The following ZBED1 variants were observed in gnomAD, a reference collection of about 807,000 sequenced individuals.
ZBED1 encodes the protein E3 SUMO-protein ligase ZBED1.
ZBED1 carries 19 observed loss-of-function variants against 49.7 expected under a neutral mutation model. The ratio of observed to expected loss-of-function variants is 0.38; its 90% CI spans 0.27 to 0.56. The LOEUF is 0.56. Among genes scored for constraint, ZBED1 ranks in the 20% least tolerant of loss-of-function variants. The probability of loss-of-function intolerance (pLI) is 0.70; values close to 1 mark genes in which losing one functional copy is unlikely to be tolerated. For synonymous variants in ZBED1, 439 were observed against 440.3 expected (o/e 1.00, Z 0.04); for missense variants, 806 against 972.6 (o/e 0.83, Z 2.28).
intron 1 of ZBED1, among the ~76,000 whole-genome samples, chrX:2,491,534 ACT>A (rs2045146113): frequency 6.6e-6 from 1 of 152,114 alleles, no homozygotes; most frequent in Admixed American, 6.6e-5. Flanking sequence ...TCACAGCAGG[ACT>A]CTCTGAATGC....
Position 2,490,098 on chromosome X carries a change from G to A in ZBED1, c.622C>T (p.Arg208Cys), listed in dbSNP as rs201660071. The A allele has an allele frequency of 4.6e-5, 74 of 1,613,844 alleles. No individual in the cohort carries two copies. In the East Asian group the frequency reaches 1.3e-3, roughly 28 times the overall value. Residue 208 changes from arginine to cysteine, a missense_variant, in exon 2 of 2, where the codon CGC becomes TGC. By Grantham distance (180) the Arg-to-Cys change is radical (BLOSUM62 -3). Coordinates refer to ENST00000652001, the MANE Select transcript of ZBED1 (RefSeq NM_001171136.2). ...TDMWRSENQN[R>C]AYVTLAAHFL... ...TGGGCGGCCAGCGTGACGTAGGCGC[G>A]GTTCTGATTCTCACTCCTCCACATG...
At chrX:2,500,320 G>T (rs1603192269) in intron 1 of ZBED1, 1 of 188,586 alleles carries the variant, frequency 5.3e-6, no homozygotes, top group Non-Finnish European at 1.1e-5. Context: ...CCCTGGGGTG[G>T]GTAGGGGTCG....
Position 2,494,879 on chromosome X carries a change from T to C in ZBED1, c.-53-4107A>G, listed in dbSNP as rs754405861. On this transcript the variant is annotated intron_variant, in intron 1 of 1. Coordinates refer to ENST00000652001, the MANE Select transcript of ZBED1 (RefSeq NM_001171136.2). ...GTTGGTCTGAAAGAGGTCCTGGTAC[T>C]GTGAACAAAGGTTTATATTCTATTA... Among the ~76,000 whole-genome samples, 168 of 151,988 alleles carry C rather than the reference T, an allele frequency of 1.1e-3. 1 individual carries two copies. The highest frequency in any genetic ancestry group is 3.9e-3 in the African/African-American group (160 of 41,502).
chrX:2,497,381 G>A (rs1048948992), intron 1 of ZBED1, among the ~76,000 whole-genome samples: 36 of 152,090 alleles, frequency 2.4e-4, no homozygotes, highest in Non-Finnish European at 4.3e-4. Flanking sequence ...AAACAAAAGC[G>A]AAACTTGGTC....
At chrX:2,498,350 G>A (rs1485089351) in intron 1 of ZBED1, among the ~76,000 whole-genome samples, 2 of 152,164 alleles carry the variant, frequency 1.3e-5, no homozygotes, top group Non-Finnish European at 2.9e-5. Flanking sequence ...CACCAACAGC[G>A]AAGGCCTACC....
intron 1 of ZBED1, among the ~76,000 whole-genome samples, chrX:2,497,317 C>T (rs1172324195): frequency 7.9e-5 from 12 of 151,766 alleles, no homozygotes; most frequent in African/African-American, 1.7e-4. Context: ...CGCTTGAACC[C>T]GGGAGGCAGA....
At chrX:2,494,331 C>CATT (rs911313625) in intron 1 of ZBED1, among the ~76,000 whole-genome samples, 3 of 151,372 alleles carry the variant, frequency 2.0e-5, no homozygotes, top group Non-Finnish European at 2.9e-5. Context: ...TTCATTCTAT[C>CATT]ATTATTATTA....
chrX:2,492,045 C>G (rs1029018994), intron 1 of ZBED1, among the ~76,000 whole-genome samples: 19 of 152,180 alleles, frequency 1.2e-4, no homozygotes, highest in Non-Finnish European at 2.4e-4. Context: ...AATGCACCAC[C>G]CAGGCACGTT....
intron 1 of ZBED1, among the ~76,000 whole-genome samples, chrX:2,496,954 T>C (rs771352575): frequency 6.6e-6 from 1 of 151,458 alleles, no homozygotes; most frequent in South Asian, 2.1e-4. Context: ...AACATGTAAT[T>C]GGCCTGTTAC....
At position 2,488,005 on chromosome X, in the gene ZBED1, G is replaced by C. The variant is rs1483014789; in HGVS notation, c.*630C>G. 6.6e-6 allele frequency: 1 copy of C among 151,720 alleles called. No individual in the cohort carries two copies. The highest frequency in any genetic ancestry group is 1.5e-5 in the Non-Finnish European group (1 of 67,964). The allele number at this position is 151,720 out of a possible 1,614,324, so 9.4% of individuals were successfully genotyped here. A position where few individuals can be genotyped will look rare whatever the true frequency, so the allele number is the denominator to read the frequency against. Reference sequence around the variant, plus strand: ...CCTGCGTTTCTTCTAAACCCTCCCAGGGAGAACTCGAATCAGACATGGTGG... The same window carrying C: ...CCTGCGTTTCTTCTAAACCCTCCCACGGAGAACTCGAATCAGACATGGTGG... On this transcript the variant is annotated 3_prime_UTR_variant, in exon 2 of 2. Transcript: ENST00000652001.
chrX:2,488,854 G>T lies in ZBED1; in HGVS notation c.1866C>A (p.Phe622Leu), dbSNP rs149611128. 6.2e-7 allele frequency: 1 copy of T among 1,613,516 alleles called. No homozygotes were observed. Among genetic ancestry groups the T allele is most frequent in the South Asian group, 1.1e-5 (1 of 91,036 alleles). The change falls in exon 2 of 2, where the codon TTC becomes TTA. Residue 622 changes from phenylalanine (F) to leucine (L), a missense_variant. By Grantham distance (22) the Phe-to-Leu change is conservative (BLOSUM62 0). Transcript: ENST00000652001. The part of the protein sequence containing the change: ...TATRVAPERL[F>L]GSAANVVSAK... ...CGCTGACCACGTTGGCGGCGGATCC[G>T]AAGAGACGCTCAGGGGCGACGCGCG...
intron 1 of ZBED1, among the ~76,000 whole-genome samples, chrX:2,498,514 G>A (rs1414102665): frequency 6.6e-6 from 1 of 151,684 alleles, no homozygotes; most frequent in Middle Eastern, 3.2e-3. Flanking sequence ...TTTAGAGAAG[G>A]CCATTCTGTT....
chrX:2,495,714 T>C (rs2045267396), intron 1 of ZBED1, among the ~76,000 whole-genome samples: 1 of 151,922 alleles, frequency 6.6e-6, no homozygotes, highest in Non-Finnish European at 1.5e-5. Flanking sequence ...TAAAGGTTGC[T>C]GTAAACCAGC....
rs745727223 is a variant in ZBED1 at position 2,489,098 on chromosome X, G to A, written c.1622C>T (p.Ala541Val). 1.9e-6 allele frequency: 3 copies of A among 1,613,518 alleles called. No individual in the cohort carries two copies. The highest frequency in any genetic ancestry group is 1.1e-5 in the South Asian group (1 of 91,068). The change falls in exon 2 of 2, where the codon GCC becomes GTC. Residue 541 changes from alanine (A) to valine (V), a missense_variant. This residue lies in a region of ZBED1 where 749 missense variants were observed against 861.3 expected (regional missense o/e 0.87). Coordinates refer to ENST00000652001, the MANE Select transcript of ZBED1 (RefSeq NM_001171136.2). ...GGCCAGCATGTTGTTGATGACGCTG[G>A]CGGGCGGCGGCGTGGATGTCCGCAT... ...KLMRTSTPPP[A>V]SVINNMLAEI...
At position 2,489,877 on chromosome X, in the gene ZBED1, C is replaced by T; in HGVS notation, c.843G>A (p.Leu281=). 2.5e-6 allele frequency: 4 copies of T among 1,613,860 alleles called. No individual in the cohort carries two copies. The highest frequency in any genetic ancestry group is 3.4e-6 in the Non-Finnish European group (4 of 1,179,890). The change falls in exon 2 of 2, where the codon CTG becomes CTA. Residue 281 remains leucine, a synonymous_variant. Transcript: ENST00000652001. ...YGKDIVKACS[L]LDVAVHMPCL... is the part of the protein sequence containing the mutation. ...AGGGCATGTGCACTGCGACGTCCAG[C>T]AGGGAGCACGCCTTCACGATGTCCT...
chrX:2,490,771 T>G lies in ZBED1; in HGVS notation c.-52A>C. Reference sequence around the variant, plus strand: ...GGACGGCTGCTCATGCGTGGGGACCTGCTGAGAAGGGCCAAGACAAACACA... The same window carrying G: ...GGACGGCTGCTCATGCGTGGGGACCGGCTGAGAAGGGCCAAGACAAACACA... On this transcript the variant is annotated splice_region_variant and 5_prime_UTR_variant, in exon 2 of 2. Coordinates refer to ENST00000652001, the MANE Select transcript of ZBED1 (RefSeq NM_001171136.2). 6.3e-7 allele frequency: 1 copy of G among 1,575,356 alleles called. No homozygotes were observed. The highest frequency in any genetic ancestry group is 8.6e-7 in the Non-Finnish European group (1 of 1,160,862).
Position 2,489,175 on chromosome X carries a change from C to T in ZBED1, c.1545G>A (p.Pro515=), listed in dbSNP as rs777803508. ...LDKVKDGGYR[P]AEDKIFPVPE... ...GCACCGGGAAGATCTTGTCCTCAGCCGGCCGGTAGCCGCCGTCTTTGACCT... is the reference window on the plus strand; with the variant it reads ...GCACCGGGAAGATCTTGTCCTCAGCTGGCCGGTAGCCGCCGTCTTTGACCT... Residue 515 remains proline, a synonymous_variant, in exon 2 of 2, where the codon CCG becomes CCA. Transcript: ENST00000652001. The T allele has an allele frequency of 8.4e-5, 135 of 1,613,616 alleles. 1 individual carries two copies. In the Admixed American group the frequency reaches 1.0e-3, roughly 12 times the overall value.
chrX:2,495,909 C>A (rs924554213), intron 1 of ZBED1, among the ~76,000 whole-genome samples: 2 of 152,084 alleles, frequency 1.3e-5, no homozygotes, highest in African/African-American at 4.8e-5. Flanking sequence ...TCGCAAGAGA[C>A]CAGTGTGAAG....
At position 2,490,208 on chromosome X, in the gene ZBED1, T is replaced by G; in HGVS notation, c.512A>C (p.Lys171Thr). 2 of 1,613,962 alleles carry G rather than the reference T, an allele frequency of 1.2e-6. No homozygotes were observed. Among genetic ancestry groups the G allele is most frequent in the Middle Eastern group, 3.3e-4 (2 of 6,040 alleles). Residue 171 changes from lysine to threonine, a missense_variant, in exon 2 of 2, where the codon AAG becomes ACG. Transcript: ENST00000652001. ...ELPSRKYIST[K>T]AIPEKYGAVR... ...GGCCCCGTACTTCTCAGGGATGGCCTTGGTAGAGATGTACTTCCGGCTGGG... is the reference window on the plus strand; with the variant it reads ...GGCCCCGTACTTCTCAGGGATGGCCGTGGTAGAGATGTACTTCCGGCTGGG...
Sources: allele counts gnomAD v4.1 joint callset (sites outside exome capture counted in the v4.1 genomes callset), GRCh38; gene constraint gnomAD v4.1.1; regional missense constraint gnomAD v4.1.1; transcripts MANE v1.5; gene names NCBI Gene and HGNC (gene_info 2026-07-23, HGNC 2026-07-21).